Variants in KIT observed in about 807,000 individuals in gnomAD.
KIT encodes mast/stem cell growth factor receptor Kit.
Under a neutral mutation model 105.7 loss-of-function variants are expected in KIT, and 16 were observed. The observed-to-expected ratio is 0.15, with a 90% CI of 0.10 to 0.23. KIT has a LOEUF of 0.23. KIT is among the 10% of genes least tolerant of loss of function. The pLI, the probability that KIT is intolerant of heterozygous loss-of-function variation, is 1.00. For missense variants in KIT, 858 were observed against 1,213.8 expected (o/e 0.71, Z 4.36); for synonymous variants, 438 against 441.1 (o/e 0.99, Z 0.09).
At chr4:54,699,295 C>T (rs1269430422) in intron 3 of KIT, among the ~76,000 whole-genome samples, 1 of 152,082 alleles carries the variant, frequency 6.6e-6, no homozygotes, top group Non-Finnish European at 1.5e-5. Flanking sequence ...AGTTGTTGGT[C>T]ACATCCTCCT....
chr4:54,717,165 A>T (rs752582920), intron 7 of KIT, among the ~76,000 whole-genome samples: 5 of 152,174 alleles, frequency 3.3e-5, no homozygotes, highest in South Asian at 2.1e-4. Context: ...TGGAGGCAAG[A>T]ATTGTTATAG....
intron 4 of KIT, among the ~76,000 whole-genome samples, chr4:54,700,814 A>G (rs2109683128): frequency 6.6e-6 from 1 of 152,184 alleles, no homozygotes; most frequent in African/African-American, 2.4e-5. Flanking sequence ...GTGATGGATG[A>G]TATCTTGCTA....
At chr4:54,699,803 C>CTG (rs1484733200) in intron 4 of KIT, 37 bp downstream of exon 4, 1 of 1,612,056 alleles carries the variant, frequency 6.2e-7, no homozygotes, top group Middle Eastern at 1.7e-4. Flanking sequence ...TGTTCTGTCT[C>CTG]TGTGGGAGAT....
rs1306679368 is a variant in KIT, at chr4:54,679,828, C to T, written c.68-15684C>T. Reference sequence around the variant, plus strand: ...ATATACACAGTGGACTATTATTCAGCCTTAAAAGGGAAGTCAACTTTTACA... The same window carrying T: ...ATATACACAGTGGACTATTATTCAGTCTTAAAAGGGAAGTCAACTTTTACA... On this transcript the variant is annotated intron_variant, in intron 1 of 20. Transcript: ENST00000288135. Among the ~76,000 whole-genome samples the T allele has an allele frequency of 5.9e-5, 9 of 152,234 alleles. No individual in the cohort carries two copies. The East Asian group carries it at 1.7e-3, about 29-fold the overall frequency.
chr4:54,717,733 C>T (rs1012612301), intron 7 of KIT, among the ~76,000 whole-genome samples: 2 of 152,092 alleles, frequency 1.3e-5, no homozygotes, highest in African/African-American at 4.8e-5. Context: ...AGAATAGGGA[C>T]ATAATGTTTC....
intron 1 of KIT, among the ~76,000 whole-genome samples, chr4:54,662,018 A>G (rs1473969399): frequency 6.6e-6 from 1 of 152,246 alleles, no homozygotes; most frequent in Non-Finnish European, 1.5e-5. Context: ...TTTAGAAAAC[A>G]TTGAGGCGAT....
chr4:54,693,730 C>G (rs192089841), intron 1 of KIT, among the ~76,000 whole-genome samples: 2 of 152,150 alleles, frequency 1.3e-5, no homozygotes, highest in African/African-American at 4.8e-5. Flanking sequence ...ATGAACCATT[C>G]CCTTCACCAT....
At chr4:54,684,045 G>C (rs184178036) in intron 1 of KIT, among the ~76,000 whole-genome samples, 1 of 152,210 alleles carries the variant, frequency 6.6e-6, no homozygotes, top group African/African-American at 2.4e-5. Flanking sequence ...CACTATGTCC[G>C]TGTGGTTTAA....
chr4:54,669,623 A>C (rs539268830), intron 1 of KIT, among the ~76,000 whole-genome samples: 3 of 152,138 alleles, frequency 2.0e-5, no homozygotes, highest in East Asian at 3.9e-4. Flanking sequence ...ACCAGGCAAA[A>C]GTCTTTGTCC....
Position 54,688,157 on chromosome 4 carries a change from C to T in KIT, c.68-7355C>T, listed in dbSNP as rs566309097. Among the ~76,000 whole-genome samples, 27 of 152,252 alleles carry T rather than the reference C, an allele frequency of 1.8e-4. No homozygotes were observed. The East Asian group carries it at 4.5e-3, about 25-fold the overall frequency. On this transcript the variant is annotated intron_variant, in intron 1 of 20. Coordinates refer to ENST00000288135, the MANE Select transcript of KIT (RefSeq NM_000222.3). ...CACTGAGCTCATACTCCCCCTCCCC[C>T]ATCTGCATGCTATTTCCAGTATCAT...
rs1722585375 is a variant in KIT, at chr4:54,731,366, G to T, written c.2180G>T (p.Gly727Val). The T allele has an allele frequency of 6.2e-7, 1 of 1,613,474 alleles. No homozygotes were observed. Among genetic ancestry groups the T allele is most frequent in the African/African-American group, 1.3e-5 (1 of 74,984 alleles). Residue 727 changes from glycine (G) to valine (V), a missense_variant, in exon 15 of 21, where the codon GGA becomes GTA. Coordinates refer to ENST00000288135, the MANE Select transcript of KIT (RefSeq NM_000222.3). ...AATGAGTACATGGACATGAAACCTG[G>T]AGTTTCTTATGTTGTCCCAACCAAG... is the stretch of plus-strand genomic sequence containing the variant. ...STNEYMDMKP[G>V]VSYVVPTKAD...
chr4:54,671,651 G>C (rs11942485), intron 1 of KIT, among the ~76,000 whole-genome samples: 1 of 152,130 alleles, frequency 6.6e-6, no homozygotes, highest in Non-Finnish European at 1.5e-5. Context: ...AAATTTATTA[G>C]TTGACTAGGG....
chr4:54,671,381 A>T (rs1302518128), intron 1 of KIT, among the ~76,000 whole-genome samples: 1 of 152,176 alleles, frequency 6.6e-6, no homozygotes, highest in Non-Finnish European at 1.5e-5. Context: ...TATGGGCAGG[A>T]AGGCATCCCT....
At chr4:54,706,065 A>G (rs1720769725) in intron 5 of KIT, among the ~76,000 whole-genome samples, 1 of 150,336 alleles carries the variant, frequency 6.7e-6, no homozygotes, top group Non-Finnish European at 1.5e-5. Context: ...TTTTCTAAGG[A>G]CTCCATTATT....
chr4:54,715,608 G>A (rs908439822), intron 7 of KIT, among the ~76,000 whole-genome samples: 1 of 152,114 alleles, frequency 6.6e-6, no homozygotes, highest in South Asian at 2.1e-4. Flanking sequence ...AGCTAATAGT[G>A]TGAGGAGTCA....
chr4:54,730,649 C>G (rs932525004), intron 14 of KIT, among the ~76,000 whole-genome samples: 1 of 151,996 alleles, frequency 6.6e-6, no homozygotes, highest in East Asian at 1.9e-4. Context: ...ATATAATGGC[C>G]TAAATTGTTC....
chr4:54,731,390 A>G lies in KIT; in HGVS notation c.2204A>G (p.Lys735Arg), dbSNP rs2109792661. 1 of 1,613,368 alleles carries G rather than the reference A, an allele frequency of 6.2e-7. No homozygotes were observed. Residue 735 changes from lysine to arginine, a missense_variant, in exon 15 of 21, where the codon AAG becomes AGG. Transcript: ENST00000288135. ...GGAGTTTCTTATGTTGTCCCAACCA[A>G]GGCCGACAAAAGGAGATCTGTGAGA... ...KPGVSYVVPT[K>R]ADKRRSVRIG...
chr4:54,691,746 G>C (rs892992203), intron 1 of KIT, among the ~76,000 whole-genome samples: 3 of 152,076 alleles, frequency 2.0e-5, no homozygotes, highest in African/African-American at 7.2e-5. Context: ...GAGTTGGGGT[G>C]GGGTGGGTGG....
intron 1 of KIT, among the ~76,000 whole-genome samples, chr4:54,684,626 G>A (rs1296299423): frequency 1.3e-5 from 2 of 152,024 alleles, no homozygotes; most frequent in Non-Finnish European, 2.9e-5. Flanking sequence ...GACTCCGAGG[G>A]TCCTCCCTCC....
Sources: gnomAD v4.1 joint callset for allele counts (sites outside exome capture counted in the v4.1 genomes callset) on GRCh38, gnomAD v4.1.1 for gene constraint, MANE v1.5 for transcripts, NCBI Gene and HGNC (gene_info 2026-07-23, HGNC 2026-07-21) for gene names.